Variants in HEPHL1 observed in about 807,000 individuals in gnomAD.
The protein encoded by HEPHL1 is hephaestin like 1.
A neutral mutation model predicts 122.0 loss-of-function variants in HEPHL1; 123 were observed. The observed-to-expected ratio is 1.01, with a 90% CI of 0.87 to 1.17. HEPHL1 has a LOEUF of 1.17. Ranked by LOEUF, HEPHL1 falls within the 50% of genes most tolerant of loss-of-function variation. The pLI is 0.00. For missense variants in HEPHL1, 1,452 were observed against 1,430.5 expected (o/e 1.01, Z -0.24); for synonymous variants, 527 against 508.9 (o/e 1.04, Z -0.48).
intron 2 of HEPHL1, among the ~76,000 whole-genome samples, chr11:94,061,816 A>C (rs1945987151): frequency 6.6e-6 from 1 of 152,296 alleles, no homozygotes; most frequent in Non-Finnish European, 1.5e-5. Context: ...AATTCATTAC[A>C]TTACTGAATA....
At chr11:94,026,098 A>G (rs532382444) in intron 1 of HEPHL1, among the ~76,000 whole-genome samples, 1 of 152,296 alleles carries the variant, frequency 6.6e-6, no homozygotes, top group Non-Finnish European at 1.5e-5. Context: ...CTGATCCACC[A>G]TCCTTAGCCT....
chr11:94,032,856 C>T (rs886729142), intron 1 of HEPHL1, among the ~76,000 whole-genome samples: 4 of 152,128 alleles, frequency 2.6e-5, no homozygotes, highest in Non-Finnish European at 4.4e-5. Flanking sequence ...AGGGGCAAAA[C>T]GGCGGAGTTT....
chr11:94,023,282 G>A (rs1945596768), intron 1 of HEPHL1, among the ~76,000 whole-genome samples: 1 of 152,206 alleles, frequency 6.6e-6, no homozygotes. Flanking sequence ...AAGGATCACA[G>A]TAATAAGAAC....
intron 12 of HEPHL1, among the ~76,000 whole-genome samples, chr11:94,092,304 G>A (rs1034068712): frequency 8.5e-5 from 13 of 152,140 alleles, no homozygotes; most frequent in African/African-American, 1.9e-4. Flanking sequence ...GTCTATCCTC[G>A]TTATTTGTAG....
intron 6 of HEPHL1, among the ~76,000 whole-genome samples, chr11:94,071,921 C>A (rs535313825): frequency 2.6e-5 from 4 of 152,136 alleles, no homozygotes; most frequent in Middle Eastern, 3.4e-3. Flanking sequence ...ACTGCAGTAA[C>A]AATTTGCATA....
At chr11:94,027,272 T>TTAACTTAA (rs1945633603) in intron 1 of HEPHL1, among the ~76,000 whole-genome samples, 1 of 152,212 alleles carries the variant, frequency 6.6e-6, no homozygotes, top group Non-Finnish European at 1.5e-5. Context: ...CTCAAGATCC[T>TTAACTTAA]TAACTTAATC....
intron 2 of HEPHL1, among the ~76,000 whole-genome samples, chr11:94,060,121 T>TC (rs1945974002): frequency 2.1e-4 from 1 of 4,868 alleles, no homozygotes. Flanking sequence ...TATATATATA[T>TC]ATATATATAT....
In HEPHL1 at chr11:94,104,643, A is replaced by G. The variant is rs1946394337; in HGVS notation, c.2798A>G (p.Asn933Ser). ...YEFALLFLVF[N>S]ENESWYLDDN... Reference sequence around the variant, plus strand: ...TTTGCTCTCTTGTTTTTGGTATTTAATGAGAATGAATCCTGGTATCTGGAT... The same window carrying G: ...TTTGCTCTCTTGTTTTTGGTATTTAGTGAGAATGAATCCTGGTATCTGGAT... Residue 933 changes from asparagine (N) to serine (S), a missense_variant, in exon 16 of 20, where the codon AAT becomes AGT. Physicochemically the swap from Asn to Ser is conservative, Grantham distance 46. Coordinates refer to ENST00000315765, the MANE Select transcript of HEPHL1 (RefSeq NM_001098672.2). 1.2e-6 allele frequency: 2 copies of G among 1,613,826 alleles called. 1 individual carries two copies. The highest frequency in any genetic ancestry group is 2.2e-5 in the South Asian group (2 of 91,084).
intron 11 of HEPHL1, among the ~76,000 whole-genome samples, chr11:94,087,563 T>C (rs571671620): frequency 2.8e-4 from 43 of 152,188 alleles, no homozygotes; most frequent in Non-Finnish European, 5.4e-4. Flanking sequence ...ATTATTATTA[T>C]CATTATTATT....
At chr11:94,030,435 C>A (rs929962121) in intron 1 of HEPHL1, among the ~76,000 whole-genome samples, 2 of 152,140 alleles carry the variant, frequency 1.3e-5, no homozygotes, top group African/African-American at 4.8e-5. Flanking sequence ...AAAAGAGAGC[C>A]AGAGGTTGGC....
In HEPHL1 at chr11:94,102,991, G is replaced by A; in HGVS notation, c.2653G>A (p.Val885Ile). The change falls in exon 15 of 20, where the codon GTT becomes ATT. Residue 885 changes from valine (V) to isoleucine (I), a missense_variant. Coordinates refer to ENST00000315765, the MANE Select transcript of HEPHL1 (RefSeq NM_001098672.2). Reference protein sequence around the residue: ...GPSDPNCIPWVYYSTVNFVKD... With the variant: ...GPSDPNCIPWIYYSTVNFVKD... ...TTCTGATCCCAATTGTATTCCATGG[G>A]TTTACTATTCAACAGTAAACTTTGT... 1.2e-6 allele frequency: 2 copies of A among 1,605,378 alleles called. No individual in the cohort carries two copies. The highest frequency in any genetic ancestry group is 1.7e-6 in the Non-Finnish European group (2 of 1,172,194).
chr11:94,064,107 C>A (rs534433383), intron 3 of HEPHL1, among the ~76,000 whole-genome samples: 1 of 152,186 alleles, frequency 6.6e-6, no homozygotes, highest in African/African-American at 2.4e-5. Flanking sequence ...CCTTTAGAGA[C>A]AGCCAGTCTT....
chr11:94,083,490 A>C (rs1946190115), intron 10 of HEPHL1, among the ~76,000 whole-genome samples: 1 of 152,252 alleles, frequency 6.6e-6, no homozygotes, highest in South Asian at 2.1e-4. Flanking sequence ...CAATGCCTGC[A>C]AGAGTGTGCA....
intron 2 of HEPHL1, chr11:94,055,793 C>A: frequency 2.4e-6 from 1 of 413,756 alleles, no homozygotes; most frequent in African/African-American, 2.0e-5. Flanking sequence ...GGTTTCTGTA[C>A]CCATAGGATG....
At position 94,075,284 on chromosome 11, in the gene HEPHL1, C is replaced by A; in HGVS notation, c.1615C>A (p.Leu539Ile). The stretch of plus-strand genomic sequence containing the variant: ...TGGTGATCCTCCCTGTCTGACCTAT[C>A]TTTACTTCTCAGCAGTTGATCCAAT... ...TAGDPPCLTY[L>I]YFSAVDPIKD... The change falls in exon 9 of 20, where the codon CTT becomes ATT. Residue 539 changes from leucine (L) to isoleucine (I), a missense_variant. Leu to Ile is a conservative substitution (Grantham distance 5). Coordinates refer to ENST00000315765, the MANE Select transcript of HEPHL1 (RefSeq NM_001098672.2). 2 of 1,613,562 alleles carry A rather than the reference C, an allele frequency of 1.2e-6. No homozygotes were observed. The highest frequency in any genetic ancestry group is 1.7e-6 in the Non-Finnish European group (2 of 1,179,640).
Position 94,073,363 on chromosome 11 carries a change from A to C in HEPHL1, c.1428A>C (p.Lys476Asn). The part of the protein sequence containing the change: ...GDTLLVTFAN[K>N]ADKVYSILPH... Reference sequence around the variant, plus strand: ...CCCTGTTAGTGACCTTTGCCAACAAAGCCGACAAGGTCTATAGCATTTTAC... The same window carrying C: ...CCCTGTTAGTGACCTTTGCCAACAACGCCGACAAGGTCTATAGCATTTTAC... The change falls in exon 8 of 20, where the codon AAA becomes AAC. Residue 476 changes from lysine to asparagine, a missense_variant. By Grantham distance (94) the Lys-to-Asn change is moderately conservative. Transcript: ENST00000315765. 1 of 1,595,184 alleles carries C rather than the reference A, an allele frequency of 6.3e-7. No individual in the cohort carries two copies.
At chr11:94,037,081 C>T (rs1242694390) in intron 1 of HEPHL1, among the ~76,000 whole-genome samples, 2 of 152,156 alleles carry the variant, frequency 1.3e-5, no homozygotes, top group Admixed American at 6.5e-5. Flanking sequence ...CAGGGAGTTC[C>T]CTTTCCGAGT....
intron 4 of HEPHL1, among the ~76,000 whole-genome samples, chr11:94,065,132 C>A (rs917397195): frequency 2.6e-5 from 4 of 152,178 alleles, no homozygotes; most frequent in African/African-American, 9.7e-5. Context: ...TTTTGCAAAG[C>A]AGTAGCTTAA....
At chr11:94,046,328 C>G (rs956294353) in intron 2 of HEPHL1, among the ~76,000 whole-genome samples, 1 of 151,152 alleles carries the variant, frequency 6.6e-6, no homozygotes, top group African/African-American at 2.4e-5. Context: ...AACCTCCTGA[C>G]CTCAAATGAT....
Sources: gnomAD v4.1 joint callset for allele counts (sites outside exome capture counted in the v4.1 genomes callset) on GRCh38, gnomAD v4.1.1 for gene constraint, MANE v1.5 for transcripts, NCBI Gene and HGNC (gene_info 2026-07-23, HGNC 2026-07-21) for gene names.